The following RPS6KA5 variants were observed in gnomAD, a reference collection of about 807,000 sequenced individuals.
RPS6KA5 encodes ribosomal protein S6 kinase A5.
In RPS6KA5, 27 loss-of-function variants were observed where a neutral mutation model predicts 85.5. That is an observed-to-expected ratio of 0.32 (90% CI 0.23 to 0.44). The LOEUF (loss-of-function observed/expected upper bound fraction) is 0.44. Among genes scored for constraint, RPS6KA5 ranks in the 20% least tolerant of loss-of-function variants. The pLI, the probability that RPS6KA5 is intolerant of heterozygous loss-of-function variation, is 1.00. For synonymous variants in RPS6KA5, 334 were observed against 348.2 expected, an observed-to-expected ratio of 0.96 and a Z score of 0.46; for missense variants, 811 against 980.9, an observed-to-expected ratio of 0.83 and a Z score of 2.31.
rs2032148469 is a variant in RPS6KA5, at chr14:90,853,995, T to C, written c.*18079A>G. 1 of 152,238 alleles carries C rather than the reference T, an allele frequency of 6.6e-6. No homozygotes were observed. The highest frequency in any genetic ancestry group is 1.5e-5 in the Non-Finnish European group (1 of 68,036). The allele number at this position is 152,238 out of a possible 1,614,324, so 9.4% of individuals were successfully genotyped here. The stretch of plus-strand genomic sequence containing the variant: ...TCGATTTAAGGAGTGAGGGGCAGTC[T>C]TATTAATTTGGTATTGTAAGCCCCC... On this transcript the variant is annotated 3_prime_UTR_variant, in exon 17 of 17. Coordinates refer to ENST00000614987, the MANE Select transcript of RPS6KA5 (RefSeq NM_004755.4).
chr14:90,942,153 C>T (rs760114876), intron 5 of RPS6KA5, among the ~76,000 whole-genome samples: 17 of 151,982 alleles, frequency 1.1e-4, no homozygotes, highest in African/African-American at 3.6e-4. Flanking sequence ...AATATAGATG[C>T]GATTAAAAAA....
In RPS6KA5 at chr14:90,871,849, T is replaced by A. The variant is rs929364519; in HGVS notation, c.*225A>T. On this transcript the variant is annotated 3_prime_UTR_variant, in exon 17 of 17. Transcript: ENST00000614987. ...TCTTTCAAGAATAGTCTTGTTGGCATCATGCTAGGTTGCTAAAAAGAGTAA... is the reference window on the plus strand; with the variant it reads ...TCTTTCAAGAATAGTCTTGTTGGCAACATGCTAGGTTGCTAAAAAGAGTAA... The A allele has an allele frequency of 4.4e-6, 2 of 449,618 alleles. No homozygotes were observed. The highest frequency in any genetic ancestry group is 3.9e-5 in the African/African-American group (2 of 50,676). The allele number at this position is 449,618 out of a possible 1,614,324, so 27.9% of individuals were successfully genotyped here. A position where few individuals can be genotyped will look rare whatever the true frequency, so the allele number is the denominator to read the frequency against.
intron 2 of RPS6KA5, among the ~76,000 whole-genome samples, chr14:90,995,783 T>A (rs911686345): frequency 6.6e-6 from 1 of 151,892 alleles, no homozygotes; most frequent in Non-Finnish European, 1.5e-5. Context: ...ACTTTAGAGG[T>A]TTAATAATGA....
At chr14:90,941,301 G>A (rs1272271503) in intron 5 of RPS6KA5, among the ~76,000 whole-genome samples, 1 of 152,140 alleles carries the variant, frequency 6.6e-6, no homozygotes, top group Non-Finnish European at 1.5e-5. Flanking sequence ...TCTCTGTAGA[G>A]AGATTTGGCT....
intron 1 of RPS6KA5, among the ~76,000 whole-genome samples, chr14:91,011,448 T>A (rs1029238095): frequency 6.6e-6 from 1 of 151,976 alleles, no homozygotes; most frequent in African/African-American, 2.4e-5. Context: ...ATCGCGCCAC[T>A]GCACTCCAGC....
At chr14:91,038,360 G>A (rs115744784) in intron 1 of RPS6KA5, among the ~76,000 whole-genome samples, 3,129 of 152,290 alleles carry the variant, frequency 0.021, 116 homozygotes, top group East Asian at 0.098. Flanking sequence ...TGGTTAAAGA[G>A]TCTGTATAAG....
Position 90,854,725 on chromosome 14 carries a change from T to G in RPS6KA5, c.*17349A>C, listed in dbSNP as rs1203744610. ...ACATTATCTTCTAAGCCCATTCTTA[T>G]TTTTAAAAATATGTACAACTAGACT... is the stretch of plus-strand genomic sequence containing the variant. On this transcript the variant is annotated 3_prime_UTR_variant, in exon 17 of 17. Coordinates refer to ENST00000614987, the MANE Select transcript of RPS6KA5 (RefSeq NM_004755.4). 1.3e-5 allele frequency: 2 copies of G among 152,122 alleles called. No individual in the cohort carries two copies. Among genetic ancestry groups the G allele is most frequent in the Non-Finnish European group, 2.9e-5 (2 of 68,014 alleles). 9.4% of individuals were successfully genotyped at this position (152,122 alleles called of 1,614,324 possible). A position where few individuals can be genotyped will look rare whatever the true frequency, so the allele number is the denominator to read the frequency against.
chr14:90,939,101 C>A (rs2037436283), intron 5 of RPS6KA5, among the ~76,000 whole-genome samples: 1 of 152,212 alleles, frequency 6.6e-6, no homozygotes, highest in Admixed American at 6.5e-5. Context: ...TTAGTAATTT[C>A]TTCTGCCAGA....
rs548195634 is a variant in RPS6KA5 at position 90,857,542 on chromosome 14, C to T, written c.*14532G>A. The T allele has an allele frequency of 3.9e-5, 6 of 152,214 alleles. No individual in the cohort carries two copies. In the South Asian group the frequency reaches 8.3e-4, roughly 21 times the overall value. The allele number at this position is 152,214 out of a possible 1,614,324, so 9.4% of individuals were successfully genotyped here. A position where few individuals can be genotyped will look rare whatever the true frequency, so the allele number is the denominator to read the frequency against. Reference sequence around the variant, plus strand: ...TCAAATTGTCAAATAATTGTGCTCCCGGTGAGATTTTTATGTAACACAGAA... The same window carrying T: ...TCAAATTGTCAAATAATTGTGCTCCTGGTGAGATTTTTATGTAACACAGAA... On this transcript the variant is annotated 3_prime_UTR_variant, in exon 17 of 17. Transcript: ENST00000614987.
At chr14:90,904,724 A>T (rs935126412) in intron 8 of RPS6KA5, among the ~76,000 whole-genome samples, 1 of 152,198 alleles carries the variant, frequency 6.6e-6, no homozygotes, top group Non-Finnish European at 1.5e-5. Context: ...TATAGAGAAA[A>T]AGGCCATTTA....
At chr14:90,952,509 G>C (rs2038253490) in intron 3 of RPS6KA5, among the ~76,000 whole-genome samples, 1 of 152,252 alleles carries the variant, frequency 6.6e-6, no homozygotes, top group Admixed American at 6.5e-5. Context: ...ACCACTGCCA[G>C]AATGGCATTA....
intron 2 of RPS6KA5, among the ~76,000 whole-genome samples, chr14:90,981,917 G>A (rs1394522709): frequency 1.4e-4 from 22 of 152,222 alleles, no homozygotes; most frequent in Non-Finnish European, 3.1e-4. Context: ...CCATAAAGCT[G>A]TTTATCACAT....
chr14:90,985,090 C>T (rs917394393), intron 2 of RPS6KA5, among the ~76,000 whole-genome samples: 2 of 151,982 alleles, frequency 1.3e-5, no homozygotes, highest in Non-Finnish European at 2.9e-5. Context: ...ACAACGCATG[C>T]GCCACCACGC....
At chr14:90,968,689 G>T (rs1337927820) in intron 3 of RPS6KA5, among the ~76,000 whole-genome samples, 1 of 152,122 alleles carries the variant, frequency 6.6e-6, no homozygotes, top group Admixed American at 6.6e-5. Flanking sequence ...TGTTTCAAAG[G>T]CAGCAAAATA....
At chr14:90,890,875 C>T (rs1040070093) in intron 13 of RPS6KA5, among the ~76,000 whole-genome samples, 197 bp from the exon 14 acceptor site, 1 of 152,072 alleles carries the variant, frequency 6.6e-6, no homozygotes, top group African/African-American at 2.4e-5. Context: ...TTTACCATGT[C>T]ATGTGAAACA....
At chr14:90,933,828 G>A (rs2037120424) in intron 5 of RPS6KA5, among the ~76,000 whole-genome samples, 1 of 152,052 alleles carries the variant, frequency 6.6e-6, no homozygotes, top group Non-Finnish European at 1.5e-5. Context: ...CACTCATTCT[G>A]TATGCCCACA....
intron 1 of RPS6KA5, among the ~76,000 whole-genome samples, chr14:91,052,852 A>AGG (rs1566912594): frequency 1.4e-5 from 2 of 144,428 alleles, no homozygotes; most frequent in Non-Finnish European, 3.0e-5. Context: ...AAAAAAAAAA[A>AGG]AAGCTCTTTA....
intron 13 of RPS6KA5, among the ~76,000 whole-genome samples, chr14:90,893,406 A>C (rs2034666300): frequency 6.6e-6 from 1 of 152,198 alleles, no homozygotes; most frequent in African/African-American, 2.4e-5. Flanking sequence ...ACATGAAAGG[A>C]ATAAACCAAA....
intron 7 of RPS6KA5, 36 bp from the exon 8 acceptor site, chr14:90,906,335 G>T: frequency 3.4e-6 from 5 of 1,459,526 alleles, no homozygotes; most frequent in Non-Finnish European, 3.6e-6. Context: ...AAAACAAACA[G>T]GATGACAAAA....
Sources: allele counts gnomAD v4.1 joint callset (sites outside exome capture counted in the v4.1 genomes callset), GRCh38; gene constraint gnomAD v4.1.1; transcripts MANE v1.5; gene names NCBI Gene and HGNC (gene_info 2026-07-23, HGNC 2026-07-21).